Variants in CTNNA3 observed in about 807,000 individuals in gnomAD.
CTNNA3 encodes catenin alpha-3.
CTNNA3 carries 76 observed loss-of-function variants against 95.7 expected under a neutral mutation model. The ratio of observed to expected loss-of-function variants is 0.79; its 90% CI spans 0.66 to 0.96. The LOEUF is 0.96. Ranked by LOEUF, CTNNA3 falls within the 40% of genes least tolerant of loss-of-function variation. CTNNA3 has a pLI of 0.00. For synonymous variants in CTNNA3, 431 were observed against 374.4 expected (o/e 1.15, Z -1.74); for missense variants, 1,191 against 1,089.8 (o/e 1.09, Z -1.31).
At chr10:66,616,985 T>C (rs1251409090) in intron 10 of CTNNA3, among the ~76,000 whole-genome samples, 1 of 152,056 alleles carries the variant, frequency 6.6e-6, no homozygotes, top group Non-Finnish European at 1.5e-5. Flanking sequence ...GAATGATTTA[T>C]CATTCTAGCA....
chr10:67,420,050 C>T (rs1429954740), intron 5 of CTNNA3, among the ~76,000 whole-genome samples: 2 of 152,108 alleles, frequency 1.3e-5, no homozygotes, highest in African/African-American at 4.8e-5. Context: ...CGGGGTTTCA[C>T]CATATTGGCA....
intron 5 of CTNNA3, among the ~76,000 whole-genome samples, chr10:67,246,108 G>C (rs1865896461): frequency 1.3e-5 from 2 of 152,290 alleles, no homozygotes; most frequent in South Asian, 2.1e-4. Flanking sequence ...AACTGCGTAT[G>C]ACTGCCAATT....
chr10:65,955,627 C>A (rs1480642563), intron 17 of CTNNA3, among the ~76,000 whole-genome samples: 1 of 152,162 alleles, frequency 6.6e-6, no homozygotes, highest in Non-Finnish European at 1.5e-5. Flanking sequence ...AAGGCCTTTT[C>A]TGCATCTATT....
At chr10:67,623,947 G>C (rs1423824268) in intron 2 of CTNNA3, among the ~76,000 whole-genome samples, 1 of 152,122 alleles carries the variant, frequency 6.6e-6, no homozygotes, top group Non-Finnish European at 1.5e-5. Context: ...CTCCTGAGTA[G>C]GTGGGATTAG....
intron 13 of CTNNA3, among the ~76,000 whole-genome samples, chr10:66,227,829 T>C (rs2089395169): frequency 6.6e-6 from 1 of 152,160 alleles, no homozygotes; most frequent in African/African-American, 2.4e-5. Flanking sequence ...GGAGATTTTT[T>C]ATTTCTGATT....
At chr10:66,090,249 C>G (rs967419696) in intron 14 of CTNNA3, among the ~76,000 whole-genome samples, 28 of 151,868 alleles carry the variant, frequency 1.8e-4, no homozygotes, top group Middle Eastern at 3.2e-3. Flanking sequence ...TTTAGCTTGG[C>G]CAATCAGGCT....
intron 10 of CTNNA3, among the ~76,000 whole-genome samples, chr10:66,595,646 A>G (rs1420406556): frequency 6.6e-6 from 1 of 151,740 alleles, no homozygotes; most frequent in African/African-American, 2.4e-5. Flanking sequence ...CTGTTGATTT[A>G]TTTTTTAAAA....
intron 17 of CTNNA3, among the ~76,000 whole-genome samples, chr10:65,930,508 G>A (rs370286786): frequency 6.6e-6 from 1 of 152,160 alleles, no homozygotes; most frequent in Admixed American, 6.5e-5. Flanking sequence ...CTAGGAAAAT[G>A]TTCTGAGAGT....
chr10:66,089,759 AAT>A (rs35629436), intron 14 of CTNNA3, among the ~76,000 whole-genome samples: 53 of 148,738 alleles, frequency 3.6e-4, no homozygotes, highest in Middle Eastern at 3.5e-3. Context: ...ATCTCAGAGA[AAT>A]ATATATATAT....
intron 14 of CTNNA3, among the ~76,000 whole-genome samples, chr10:66,102,821 C>A (rs2081697660): frequency 6.6e-6 from 1 of 151,920 alleles, no homozygotes; most frequent in Non-Finnish European, 1.5e-5. Context: ...ACTAGAATTC[C>A]CGAGTATATT....
In CTNNA3 at chr10:67,750,821, C is replaced by G. The variant is rs954605600; in HGVS notation, c.-2+12613G>C. 4 of 1,610,298 alleles carry G rather than the reference C, an allele frequency of 2.5e-6. No individual in the cohort carries two copies. In the African/African-American group the frequency reaches 4.0e-5, roughly 16 times the overall value. On this transcript the variant is annotated intron_variant, in intron 1 of 17. Coordinates refer to the CTNNA3 transcript ENST00000684154. ...AACAAACCTGGACTGAAATATAAACCAGTGACTAACCAGGTTGAGTGTCAC... is the reference window on the plus strand; with the variant it reads ...AACAAACCTGGACTGAAATATAAACGAGTGACTAACCAGGTTGAGTGTCAC...
intron 7 of CTNNA3, among the ~76,000 whole-genome samples, chr10:67,095,927 T>C (rs902115537): frequency 6.6e-6 from 1 of 151,920 alleles, no homozygotes; most frequent in Non-Finnish European, 1.5e-5. Context: ...GATTCTTATT[T>C]ATTTTAAATG....
chr10:66,992,829 C>A (rs910528536), intron 7 of CTNNA3, among the ~76,000 whole-genome samples: 1 of 151,978 alleles, frequency 6.6e-6, no homozygotes, highest in Non-Finnish European at 1.5e-5. Context: ...AATTTTAATG[C>A]CTTTTTAGTG....
At chr10:67,092,384 A>C (rs1475572817) in intron 7 of CTNNA3, among the ~76,000 whole-genome samples, 4 of 151,996 alleles carry the variant, frequency 2.6e-5, no homozygotes, top group African/African-American at 4.8e-5. Context: ...TAGAGAAGGA[A>C]AACATGGCCT....
chr10:67,269,944 G>C (rs1034871026), intron 5 of CTNNA3, among the ~76,000 whole-genome samples: 26 of 151,872 alleles, frequency 1.7e-4, no homozygotes, highest in African/African-American at 6.0e-4. Flanking sequence ...ACTCAGAAGG[G>C]AAAAAAATAT....
intron 9 of CTNNA3, among the ~76,000 whole-genome samples, chr10:66,695,742 G>A (rs1216707951): frequency 6.6e-6 from 1 of 152,070 alleles, no homozygotes; most frequent in Non-Finnish European, 1.5e-5. Context: ...TGGGCCATCT[G>A]ACCTTAGAAG....
chr10:66,075,559 G>A lies in CTNNA3; in HGVS notation c.1978-6070C>T, dbSNP rs184576855. 2.6e-3 allele frequency among the ~76,000 whole-genome samples: 389 copies of A among 151,908 alleles called. 5 individuals are homozygous for A. The highest frequency in any genetic ancestry group is 9.1e-3 in the African/African-American group (376 of 41,528). On this transcript the variant is annotated intron_variant, in intron 14 of 17. Transcript: ENST00000433211. The stretch of plus-strand genomic sequence containing the variant: ...AGACTTTCCACAAAATGGAAAAGAA[G>A]GATAACTAAAATATTCATGTAGCCT...
chr10:67,235,602 G>C (rs1473074084), intron 5 of CTNNA3, among the ~76,000 whole-genome samples: 1 of 142,766 alleles, frequency 7.0e-6, no homozygotes, highest in African/African-American at 2.8e-5. Flanking sequence ...ACATAGGCAT[G>C]GGCAAGGACT....
chr10:67,563,522 C>G (rs1841622009), intron 3 of CTNNA3, among the ~76,000 whole-genome samples: 1 of 152,088 alleles, frequency 6.6e-6, no homozygotes. Flanking sequence ...AATGTCAGAC[C>G]TAAAACCATA....
Sources: allele counts gnomAD v4.1 joint callset (sites outside exome capture counted in the v4.1 genomes callset), GRCh38; gene constraint gnomAD v4.1.1; transcripts MANE v1.5; gene names NCBI Gene and HGNC (gene_info 2026-07-23, HGNC 2026-07-21).